The following MARCHF1 variants were observed in gnomAD, a reference collection of about 807,000 sequenced individuals.
The protein encoded by MARCHF1 is E3 ubiquitin-protein ligase MARCHF1.
MARCHF1 carries 40 observed loss-of-function variants against 54.2 expected under a neutral mutation model. The observed-to-expected ratio is 0.74, with a 90% CI of 0.57 to 0.96. The LOEUF is 0.96. MARCHF1 is among the 40% of genes least tolerant of loss of function. The pLI, the probability that MARCHF1 is intolerant of heterozygous loss-of-function variation, is 0.00. For synonymous variants in MARCHF1, 236 were observed against 236.3 expected, an observed-to-expected ratio of 1.00 and a Z score of 0.01; for missense variants, 586 against 656.5, an observed-to-expected ratio of 0.89 and a Z score of 1.17.
intron 5 of MARCHF1, among the ~76,000 whole-genome samples, chr4:163,624,331 C>T (rs1001807165): frequency 6.6e-6 from 1 of 152,204 alleles, no homozygotes; most frequent in African/African-American, 2.4e-5. Context: ...AATGCGCCAA[C>T]ACCCATTCCT....
Position 164,015,168 on chromosome 4 carries a change from T to A in MARCHF1, c.-247-26459A>T, listed in dbSNP as rs1261746901. On this transcript the variant is annotated intron_variant, in intron 2 of 9. Transcript: ENST00000514618. ...AAATCTATCCATTATGGTTATCTCA[T>A]TTTTTGACAAAGGTGCCAAGGACAT... 7.9e-5 allele frequency among the ~76,000 whole-genome samples: 12 copies of A among 152,256 alleles called. No homozygotes were observed. The East Asian group carries it at 2.3e-3, about 29-fold the overall frequency.
At chr4:163,820,471 T>G (rs1748661171) in intron 4 of MARCHF1, among the ~76,000 whole-genome samples, 1 of 152,084 alleles carries the variant, frequency 6.6e-6, no homozygotes. Context: ...AAATCATTCA[T>G]GCTCACAGAT....
At chr4:163,642,025 T>C (rs1344115906) in intron 5 of MARCHF1, among the ~76,000 whole-genome samples, 1 of 152,232 alleles carries the variant, frequency 6.6e-6, no homozygotes, top group Non-Finnish European at 1.5e-5. Flanking sequence ...ACAGTGCTAA[T>C]GCTGCCTCAT....
intron 1 of MARCHF1, among the ~76,000 whole-genome samples, chr4:164,203,387 C>A (rs1046600118): frequency 6.6e-6 from 1 of 151,980 alleles, no homozygotes; most frequent in Non-Finnish European, 1.5e-5. Flanking sequence ...ATTGGTAAAT[C>A]GAAAATCTAA....
chr4:163,959,040 C>A (rs1283777296), intron 3 of MARCHF1, among the ~76,000 whole-genome samples: 3 of 151,826 alleles, frequency 2.0e-5, no homozygotes, highest in African/African-American at 7.3e-5. Flanking sequence ...CAAATGCCAG[C>A]TAGAGACCCC....
intron 1 of MARCHF1, among the ~76,000 whole-genome samples, chr4:164,230,658 C>T (rs1732391216): frequency 6.6e-6 from 1 of 152,078 alleles, no homozygotes; most frequent in African/African-American, 2.4e-5. Flanking sequence ...CTCTGGTAAT[C>T]ACCATTCTAC....
Position 164,154,926 on chromosome 4 carries a change from G to T in MARCHF1, c.-322-43264C>A, listed in dbSNP as rs536157551. On this transcript the variant is annotated intron_variant, in intron 1 of 9. Transcript: ENST00000514618. The stretch of plus-strand genomic sequence containing the variant: ...GGAGGTGGCTCTCAGCAGGCTGGAT[G>T]GGGAGCTGGACAGGGAATGGAGTGG... 2.0e-5 allele frequency among the ~76,000 whole-genome samples: 3 copies of T among 152,296 alleles called. No individual in the cohort carries two copies. In the East Asian group the frequency reaches 5.8e-4, roughly 29 times the overall value.
chr4:163,858,972 A>T, intron 3 of MARCHF1, among the ~76,000 whole-genome samples: 1 of 152,104 alleles, frequency 6.6e-6, no homozygotes, highest in Admixed American at 6.6e-5. Context: ...TGCAAGTAGG[A>T]TGTTAGGTGT....
intron 4 of MARCHF1, among the ~76,000 whole-genome samples, chr4:163,845,848 A>G (rs1276476275): frequency 6.6e-6 from 1 of 152,204 alleles, no homozygotes; most frequent in Non-Finnish European, 1.5e-5. Context: ...TTAATACGAT[A>G]CTTTAAGCTG....
At chr4:163,633,833 G>C (rs557730730) in intron 5 of MARCHF1, among the ~76,000 whole-genome samples, 4 of 152,222 alleles carry the variant, frequency 2.6e-5, no homozygotes, top group Non-Finnish European at 4.4e-5. Flanking sequence ...AAAATGTTAA[G>C]GGCAGCCAGA....
chr4:163,654,782 A>G (rs1231905509), intron 5 of MARCHF1, among the ~76,000 whole-genome samples: 1 of 151,422 alleles, frequency 6.6e-6, no homozygotes, highest in Admixed American at 6.6e-5. Context: ...CATACAGCTG[A>G]ATTTTGCTTT....
chr4:163,761,997 T>A (rs1746839389), intron 4 of MARCHF1, among the ~76,000 whole-genome samples: 1 of 152,188 alleles, frequency 6.6e-6, no homozygotes. Context: ...AATAATAATT[T>A]ATTTTATTTA....
intron 1 of MARCHF1, among the ~76,000 whole-genome samples, chr4:164,300,310 T>C (rs1229539905): frequency 6.6e-6 from 1 of 152,150 alleles, no homozygotes; most frequent in East Asian, 1.9e-4. Context: ...GATTGGTATA[T>C]ACTTATGGGA....
intron 2 of MARCHF1, among the ~76,000 whole-genome samples, chr4:163,991,996 AAAAGGTAAAC>A (rs1448925627): frequency 2.8e-5 from 4 of 142,640 alleles, no homozygotes; most frequent in African/African-American, 1.0e-4. Flanking sequence ...TCTCTAGTTT[AAAAGGTAAAC>A]AAAGAAAAAT....
intron 4 of MARCHF1, among the ~76,000 whole-genome samples, chr4:163,828,012 C>CAT (rs1237736965): frequency 4.3e-5 from 3 of 70,182 alleles, no homozygotes; most frequent in Non-Finnish European, 5.7e-5. Flanking sequence ...TGTGCGCAGG[C>CAT]ATACACACAC....
intron 1 of MARCHF1, among the ~76,000 whole-genome samples, chr4:164,299,888 C>T (rs991156862): frequency 1.3e-5 from 2 of 152,134 alleles, no homozygotes; most frequent in Admixed American, 6.6e-5. Flanking sequence ...AATTAAATTA[C>T]ACTTTTAAGA....
chr4:163,668,474 A>G (rs191006103), intron 5 of MARCHF1, among the ~76,000 whole-genome samples: 24 of 152,336 alleles, frequency 1.6e-4, no homozygotes, highest in Admixed American at 1.3e-3. Context: ...AGAATGACTC[A>G]TTCTAAGAAG....
At chr4:164,009,319 A>T (rs1404871377) in intron 2 of MARCHF1, among the ~76,000 whole-genome samples, 1 of 152,156 alleles carries the variant, frequency 6.6e-6, no homozygotes, top group Non-Finnish European at 1.5e-5. Context: ...GTCTCTCATT[A>T]AATAAAAGTC....
intron 1 of MARCHF1, among the ~76,000 whole-genome samples, chr4:164,131,533 G>C (rs1756301112): frequency 1.3e-5 from 2 of 152,010 alleles, no homozygotes; most frequent in African/African-American, 2.4e-5. Context: ...GAGCTATTGA[G>C]AAAAACAAAT....
Sources: allele counts gnomAD v4.1 joint callset (sites outside exome capture counted in the v4.1 genomes callset), GRCh38; gene constraint gnomAD v4.1.1; transcripts MANE v1.5; gene names NCBI Gene and HGNC (gene_info 2026-07-23, HGNC 2026-07-21).